Variants in NAV2 observed in about 807,000 individuals in gnomAD.
The protein encoded by NAV2 is neuron navigator 2.
In NAV2, 54 loss-of-function variants were observed where a neutral mutation model predicts 223.2. That is an observed-to-expected ratio of 0.24 (90% confidence interval 0.19 to 0.30). The LOEUF is 0.30. NAV2 is among the 10% of genes least tolerant of loss of function. NAV2 has a pLI of 1.00. For synonymous variants in NAV2, 1,279 were observed against 1,239.3 expected (o/e 1.03, Z -0.67); for missense variants, 2,806 against 3,147.5 (o/e 0.89, Z 2.60).
chr11:20,056,040 G>C, intron 19 of NAV2, 83 bp downstream of exon 19: 1 of 1,327,316 alleles, frequency 7.5e-7, no homozygotes, highest in Non-Finnish European at 1.0e-6. Flanking sequence ...TCTATGCTAA[G>C]TTCACTTCCT....
intron 1 of NAV2, among the ~76,000 whole-genome samples, chr11:19,462,834 G>A (rs766451193): frequency 2.8e-4 from 43 of 152,162 alleles, no homozygotes; most frequent in Admixed American, 6.5e-4. Flanking sequence ...TGATACGTGC[G>A]TGCTAGGGTT....
intron 1 of NAV2, among the ~76,000 whole-genome samples, chr11:19,382,262 C>T (rs1288408200): frequency 6.6e-6 from 1 of 152,104 alleles, no homozygotes; most frequent in Non-Finnish European, 1.5e-5. Context: ...AGGAGGTGAG[C>T]GTGGGAGACA....
chr11:20,094,118 G>A (rs2061057612), intron 29 of NAV2, among the ~76,000 whole-genome samples: 2 of 151,806 alleles, frequency 1.3e-5, no homozygotes, highest in African/African-American at 4.8e-5. Flanking sequence ...ACTTCCATTA[G>A]CGTCATCTAG....
chr11:19,482,845 T>A (rs1008981630), intron 1 of NAV2, among the ~76,000 whole-genome samples: 14 of 152,192 alleles, frequency 9.2e-5, no homozygotes, highest in Non-Finnish European at 1.5e-5. Context: ...AGTGCCAGTG[T>A]GCTGGAGAGG....
At chr11:19,851,789 T>C (rs1446509146) in intron 3 of NAV2, among the ~76,000 whole-genome samples, 2 of 152,212 alleles carry the variant, frequency 1.3e-5, no homozygotes, top group Non-Finnish European at 2.9e-5. Context: ...CCTGTGAATA[T>C]GTTATCTTAC....
intron 4 of NAV2, among the ~76,000 whole-genome samples, chr11:19,877,467 A>ATTCTTTTTTTTTTTCTTTTTTCTT (rs2153079180): frequency 1.3e-5 from 1 of 75,862 alleles, no homozygotes; most frequent in South Asian, 5.2e-4. Flanking sequence ...GCTTATCTTC[A>ATTCTTTTTTTTTTTCTTTTTTCTT]TTCTTTTTTT....
chr11:19,988,582 T>A (rs1014134987), intron 11 of NAV2, among the ~76,000 whole-genome samples: 5 of 151,852 alleles, frequency 3.3e-5, no homozygotes, highest in Non-Finnish European at 7.4e-5. Context: ...ACCCTTCAAA[T>A]TCTGAATGTT....
chr11:19,651,464 G>A (rs2047966046), intron 1 of NAV2, among the ~76,000 whole-genome samples: 2 of 152,330 alleles, frequency 1.3e-5, no homozygotes, highest in South Asian at 2.1e-4. Flanking sequence ...TTGTTGGAAT[G>A]TCCTTCACTG....
intron 1 of NAV2, among the ~76,000 whole-genome samples, chr11:19,636,268 A>G (rs1282813522): frequency 6.6e-6 from 1 of 152,148 alleles, no homozygotes; most frequent in Non-Finnish European, 1.5e-5. Context: ...TTGCCCCTGA[A>G]TATCAGTGGG....
rs151274361 is a variant in NAV2, at chr11:20,070,777, G to A, written c.4983+2379G>A. 5.8e-3 allele frequency among the ~76,000 whole-genome samples: 889 copies of A among 152,152 alleles called. 6 individuals carry two copies. Among genetic ancestry groups the A allele is most frequent in the African/African-American group, 0.02 (846 of 41,508 alleles). ...TGAGTAGGCTGTTGTGTGTGGCTCT[G>A]AACCAGGCTTGGAACAGCCTCCACA... On this transcript the variant is annotated intron_variant, in intron 22 of 37. Transcript: ENST00000349880.
chr11:19,887,626 TG>T (rs2041126018), intron 5 of NAV2, among the ~76,000 whole-genome samples: 1 of 152,034 alleles, frequency 6.6e-6, no homozygotes, highest in East Asian at 1.9e-4. Flanking sequence ...GATATGGCAG[TG>T]TTGGTATTTT....
chr11:19,477,476 G>A (rs893030264), intron 1 of NAV2, among the ~76,000 whole-genome samples: 2 of 152,216 alleles, frequency 1.3e-5, no homozygotes, highest in African/African-American at 4.8e-5. Flanking sequence ...AATCCCCAGT[G>A]TGACAGAGTG....
At chr11:20,011,967 ATAATTC>A (rs1466335741) in intron 11 of NAV2, among the ~76,000 whole-genome samples, 1 of 152,244 alleles carries the variant, frequency 6.6e-6, no homozygotes, top group African/African-American at 2.4e-5. Flanking sequence ...TATTTCCCTT[ATAATTC>A]TGACATTTGT....
chr11:20,008,484 T>A (rs2053277058), intron 11 of NAV2, among the ~76,000 whole-genome samples: 1 of 152,208 alleles, frequency 6.6e-6, no homozygotes, highest in Non-Finnish European at 1.5e-5. Flanking sequence ...TTCCTGCCCC[T>A]TAACAGCCAA....
At chr11:19,833,565 T>C (rs1232287259) in intron 2 of NAV2, among the ~76,000 whole-genome samples, 1 of 152,212 alleles carries the variant, frequency 6.6e-6, no homozygotes, top group African/African-American at 2.4e-5. Context: ...CCTCTTCTCC[T>C]TTTTCCTCCT....
At chr11:19,889,030 G>C (rs2041265703) in intron 5 of NAV2, among the ~76,000 whole-genome samples, 1 of 152,214 alleles carries the variant, frequency 6.6e-6, no homozygotes, top group African/African-American at 2.4e-5. Context: ...CTTTCAGTTT[G>C]TAGAAAGTCC....
chr11:20,101,374 A>G (rs956356213), intron 32 of NAV2, among the ~76,000 whole-genome samples: 5 of 152,216 alleles, frequency 3.3e-5, no homozygotes, highest in Non-Finnish European at 7.3e-5. Context: ...TATGATGCTC[A>G]GTGCTGGTAG....
chr11:20,080,360 T>G, intron 25 of NAV2, 151 bp downstream of exon 25: 1 of 688,386 alleles, frequency 1.5e-6, no homozygotes, highest in Non-Finnish European at 2.4e-6. Context: ...GTGGATGGGT[T>G]TTTACTAAAA....
chr11:20,030,191 G>C (rs1487945442), intron 11 of NAV2, among the ~76,000 whole-genome samples: 1 of 152,172 alleles, frequency 6.6e-6, no homozygotes, highest in African/African-American at 2.4e-5. Flanking sequence ...TGCTTTGAAA[G>C]TTTTATTGTG....
Sources: gnomAD v4.1 joint callset for allele counts (sites outside exome capture counted in the v4.1 genomes callset) on GRCh38, gnomAD v4.1.1 for gene constraint, MANE v1.5 for transcripts, NCBI Gene and HGNC (gene_info 2026-07-23, HGNC 2026-07-21) for gene names.